The following OSBPL10 variants were observed in gnomAD, a reference collection of about 807,000 sequenced individuals.
OSBPL10 encodes the protein oxysterol-binding protein-related protein 10.
In OSBPL10, 49 loss-of-function variants were observed where a neutral mutation model predicts 81.7. That is an observed-to-expected ratio of 0.60 (90% CI 0.48 to 0.76). OSBPL10 has a LOEUF of 0.76. Among genes scored for constraint, OSBPL10 ranks in the 30% least tolerant of loss-of-function variants. The pLI is 0.00. For missense variants in OSBPL10, 923 were observed against 987.8 expected, an observed-to-expected ratio of 0.93 and a Z score of 0.88; for synonymous variants, 419 against 383.6, an observed-to-expected ratio of 1.09 and a Z score of -1.08.
At chr3:31,810,705 TAAGAG>T (rs1375468872) in intron 4 of OSBPL10, among the ~76,000 whole-genome samples, 1 of 152,116 alleles carries the variant, frequency 6.6e-6, no homozygotes, top group Non-Finnish European at 1.5e-5. Flanking sequence ...CAATCTCACT[TAAGAG>T]AAATTTAAAT....
chr3:31,903,770 C>T (rs1307826016), intron 1 of OSBPL10, among the ~76,000 whole-genome samples: 1 of 152,116 alleles, frequency 6.6e-6, no homozygotes, highest in Admixed American at 6.5e-5. Context: ...TTATTCTGCC[C>T]TTTTCTGAAA....
At chr3:31,912,343 G>A (rs9811857) in intron 1 of OSBPL10, among the ~76,000 whole-genome samples, 27,964 of 150,948 alleles carry the variant, frequency 0.19, 3,490 homozygotes, top group African/African-American at 0.34. Flanking sequence ...GCAGTGAGCC[G>A]AGATTTGCGC....
Position 31,953,229 on chromosome 3 carries a change from G to A in OSBPL10, c.281+27670C>T, listed in dbSNP as rs536110438. On this transcript the variant is annotated intron_variant, in intron 1 of 11. Coordinates refer to ENST00000396556, the MANE Select transcript of OSBPL10 (RefSeq NM_017784.5). The stretch of plus-strand genomic sequence containing the variant: ...ATTACAGGCGTGAGCCAGCGCGCCC[G>A]GTCCTCAGATACTTTTAATATGCAG... Among the ~76,000 whole-genome samples, 11 of 152,000 alleles carry A rather than the reference G, an allele frequency of 7.2e-5. No individual in the cohort carries two copies. The South Asian group carries it at 1.2e-3, about 17-fold the overall frequency.
chr3:31,799,758 T>C (rs539166979), intron 4 of OSBPL10, among the ~76,000 whole-genome samples: 1 of 152,354 alleles, frequency 6.6e-6, no homozygotes, highest in African/African-American at 2.4e-5. Flanking sequence ...CAGTGCTTTT[T>C]AAGTAATTAT....
exon 1 of OSBPL10, chr3:32,077,563 GCACGC>G (rs1699886770): frequency 2.0e-5 from 3 of 152,108 alleles, no homozygotes; most frequent in Admixed American, 2.0e-4. Flanking sequence ...CGTTCCAGGG[GCACGC>G]CACTGGAAAA....
intron 7 of OSBPL10, among the ~76,000 whole-genome samples, chr3:31,698,826 G>A (rs188932004): frequency 2.0e-5 from 3 of 152,222 alleles, no homozygotes; most frequent in South Asian, 2.1e-4. Context: ...AGGGACCCCC[G>A]TCCCACCACT....
At chr3:31,737,242 T>C (rs1039705108) in intron 5 of OSBPL10, among the ~76,000 whole-genome samples, 1 of 152,074 alleles carries the variant, frequency 6.6e-6, no homozygotes, top group Non-Finnish European at 1.5e-5. Flanking sequence ...AAAGTGATCA[T>C]GGGTTTAGGA....
intron 4 of OSBPL10, among the ~76,000 whole-genome samples, chr3:31,763,674 A>G (rs565706019): frequency 1.3e-5 from 2 of 152,378 alleles, no homozygotes; most frequent in East Asian, 1.9e-4. Context: ...CACCCAAAGT[A>G]GCAGGCAAGA....
At chr3:31,790,950 T>C (rs1698993800) in intron 4 of OSBPL10, among the ~76,000 whole-genome samples, 1 of 152,220 alleles carries the variant, frequency 6.6e-6, no homozygotes, top group African/African-American at 2.4e-5. Flanking sequence ...GTAAGCCATA[T>C]GCTAGAGGAT....
At chr3:31,806,171 T>C (rs1390186707) in intron 4 of OSBPL10, among the ~76,000 whole-genome samples, 2 of 152,116 alleles carry the variant, frequency 1.3e-5, no homozygotes, top group Non-Finnish European at 2.9e-5. Context: ...CCAAGAATGA[T>C]GGATGCAGGG....
At chr3:31,882,287 T>C (rs1276219961) in intron 1 of OSBPL10, among the ~76,000 whole-genome samples, 1 of 152,164 alleles carries the variant, frequency 6.6e-6, no homozygotes, top group Admixed American at 6.5e-5. Context: ...TTCCCTCTCA[T>C]CTCTCAAGTC....
chr3:31,715,173 G>T (rs1456975644), intron 6 of OSBPL10, among the ~76,000 whole-genome samples: 1 of 152,074 alleles, frequency 6.6e-6, no homozygotes, highest in African/African-American at 2.4e-5. Context: ...TCCAGAAGCT[G>T]TTAGTCACAT....
intron 4 of OSBPL10, among the ~76,000 whole-genome samples, chr3:31,768,141 A>T (rs192263865): frequency 2.0e-5 from 3 of 152,300 alleles, no homozygotes; most frequent in Admixed American, 2.0e-4. Flanking sequence ...GTTTCCAGAC[A>T]TTGCCATGGT....
At chr3:31,837,368 TATATATAG>T (rs1700384514) in intron 3 of OSBPL10, among the ~76,000 whole-genome samples, 1 of 28,290 alleles carries the variant, frequency 3.5e-5, no homozygotes, top group Non-Finnish European at 8.2e-5. Context: ...TATATATATA[TATATATAG>T]TAAGTAACAT....
chr3:31,713,606 G>A (rs529777322), intron 6 of OSBPL10, among the ~76,000 whole-genome samples: 13 of 152,022 alleles, frequency 8.6e-5, no homozygotes, highest in African/African-American at 2.9e-4. Flanking sequence ...CATGTTGCCC[G>A]AGCTGGTCTT....
At chr3:31,932,027 G>A (rs1697263770) in intron 1 of OSBPL10, among the ~76,000 whole-genome samples, 1 of 151,912 alleles carries the variant, frequency 6.6e-6, no homozygotes, top group Non-Finnish European at 1.5e-5. Context: ...GGGCAATACA[G>A]CGAGACTCTG....
chr3:31,884,260 CAT>C (rs750315313), intron 1 of OSBPL10, among the ~76,000 whole-genome samples: 8 of 152,106 alleles, frequency 5.3e-5, no homozygotes, highest in Admixed American at 1.3e-4. Flanking sequence ...AAAAAAAGAA[CAT>C]GTTTCCACTG....
intron 5 of OSBPL10, among the ~76,000 whole-genome samples, chr3:31,735,388 GGTGA>G (rs1697120548): frequency 6.6e-6 from 1 of 151,444 alleles, no homozygotes; most frequent in Admixed American, 6.6e-5. Context: ...TACAGTAAGC[GGTGA>G]TTGCACCACT....
chr3:31,894,830 C>G (rs977645412), intron 1 of OSBPL10, among the ~76,000 whole-genome samples: 10 of 152,226 alleles, frequency 6.6e-5, no homozygotes, highest in Non-Finnish European at 1.5e-4. Flanking sequence ...TAGTCGGACA[C>G]AACATGCTAT....
Sources: allele counts gnomAD v4.1 joint callset (sites outside exome capture counted in the v4.1 genomes callset), GRCh38; gene constraint gnomAD v4.1.1; transcripts MANE v1.5; gene names NCBI Gene and HGNC (gene_info 2026-07-23, HGNC 2026-07-21).